Variants in SYN3 observed in about 807,000 individuals in gnomAD.
SYN3 encodes the protein synapsin-3.
SYN3 carries 35 observed loss-of-function variants against 65.8 expected under a neutral mutation model. That is an observed-to-expected ratio of 0.53 (90% confidence interval 0.41 to 0.70). The LOEUF (loss-of-function observed/expected upper bound fraction) is 0.70. SYN3 is among the 30% of genes least tolerant of loss of function. SYN3 has a pLI of 0.00. For missense variants in SYN3, 680 were observed against 749.0 expected (o/e 0.91, Z 1.08); for synonymous variants, 270 against 292.9 (o/e 0.92, Z 0.80).
At chr22:32,648,708 C>A (rs938777135) in intron 6 of SYN3, among the ~76,000 whole-genome samples, 1 of 152,230 alleles carries the variant, frequency 6.6e-6, no homozygotes, top group Non-Finnish European at 1.5e-5. Context: ...TGGGAACGTA[C>A]TACCTCTTGA....
intron 6 of SYN3, 91 bp from the exon 7 acceptor site, chr22:32,596,827 A>G: frequency 7.6e-7 from 1 of 1,311,312 alleles, no homozygotes; most frequent in Non-Finnish European, 1.1e-6. Context: ...AGATCCATTC[A>G]TTTCATATGG....
chr22:32,720,844 C>G (rs1301879922), intron 6 of SYN3, among the ~76,000 whole-genome samples: 1 of 152,182 alleles, frequency 6.6e-6, no homozygotes, highest in East Asian at 1.9e-4. Context: ...AGCTCAGAAG[C>G]CCTCTCCCAA....
At chr22:32,526,260 T>C (rs927925813) in intron 12 of SYN3, among the ~76,000 whole-genome samples, 1 of 152,200 alleles carries the variant, frequency 6.6e-6, no homozygotes, top group Non-Finnish European at 1.5e-5. Flanking sequence ...CTCTGAGGTA[T>C]GTCTGTACAC....
At chr22:32,588,807 G>A (rs1382197350) in intron 7 of SYN3, among the ~76,000 whole-genome samples, 2 of 152,072 alleles carry the variant, frequency 1.3e-5, no homozygotes, top group African/African-American at 4.8e-5. Flanking sequence ...CTAATTCTAC[G>A]ATGGAAACGC....
intron 4 of SYN3, among the ~76,000 whole-genome samples, chr22:32,882,957 A>G (rs1288420094): frequency 1.3e-5 from 2 of 151,218 alleles, no homozygotes; most frequent in Non-Finnish European, 2.9e-5. Context: ...ATTCTCCACC[A>G]GGCCCTGACT....
intron 3 of SYN3, among the ~76,000 whole-genome samples, chr22:32,976,997 G>GGT (rs1714157842): frequency 6.8e-6 from 1 of 147,708 alleles, no homozygotes; most frequent in African/African-American, 2.7e-5. Flanking sequence ...AGATTCCTGG[G>GGT]GGGGGGGTTG....
intron 6 of SYN3, among the ~76,000 whole-genome samples, chr22:32,802,299 G>A (rs2046610563): frequency 6.6e-6 from 1 of 152,090 alleles, no homozygotes; most frequent in Non-Finnish European, 1.5e-5. Context: ...AGCTGAGAGG[G>A]GAAGATGCCC....
At chr22:32,866,067 G>C (rs750141023) in intron 5 of SYN3, among the ~76,000 whole-genome samples, 4 of 152,192 alleles carry the variant, frequency 2.6e-5, no homozygotes, top group Non-Finnish European at 4.4e-5. Flanking sequence ...TTAAAGGCCT[G>C]ACCAGAAAGC....
At chr22:32,741,843 A>G (rs527489703) in intron 6 of SYN3, among the ~76,000 whole-genome samples, 3 of 152,334 alleles carry the variant, frequency 2.0e-5, no homozygotes, top group African/African-American at 7.2e-5. Flanking sequence ...TAATCAGATT[A>G]CAGTCAAATG....
At chr22:32,519,261 A>G (rs1023808574) in intron 12 of SYN3, 2 of 152,120 alleles carry the variant, frequency 1.3e-5, no homozygotes, top group African/African-American at 2.4e-5. Context: ...GTAATGAGAC[A>G]CTAAATAATC....
chr22:32,533,448 T>C (rs1158925226), intron 10 of SYN3, among the ~76,000 whole-genome samples: 3 of 152,132 alleles, frequency 2.0e-5, no homozygotes, highest in African/African-American at 7.2e-5. Flanking sequence ...AAGGTGCCCA[T>C]TTCACATGCT....
At chr22:32,995,953 T>C (rs924400341) in intron 2 of SYN3, among the ~76,000 whole-genome samples, 2 of 152,106 alleles carry the variant, frequency 1.3e-5, no homozygotes, top group South Asian at 2.1e-4. Flanking sequence ...ATCCGGCCTT[T>C]TTTTTTCCCC....
intron 6 of SYN3, among the ~76,000 whole-genome samples, chr22:32,616,137 C>T (rs73881763): frequency 5.3e-5 from 8 of 152,148 alleles, no homozygotes; most frequent in Non-Finnish European, 1.0e-4. Context: ...ACTGAGTTTC[C>T]GTGTAGAAGC....
chr22:32,926,319 A>G (rs1601709389), intron 4 of SYN3, among the ~76,000 whole-genome samples: 1 of 152,356 alleles, frequency 6.6e-6, no homozygotes, highest in East Asian at 1.9e-4. Flanking sequence ...GGGTGCTATG[A>G]AGAAGTACAT....
chr22:32,978,868 G>A (rs891018141), intron 3 of SYN3, among the ~76,000 whole-genome samples: 9 of 152,166 alleles, frequency 5.9e-5, no homozygotes, highest in Admixed American at 2.0e-4. Flanking sequence ...ATAAAAGTGT[G>A]CTACCATCAT....
At chr22:32,597,210 T>C (rs1223552049) in intron 6 of SYN3, among the ~76,000 whole-genome samples, 34 of 54,942 alleles carry the variant, frequency 6.2e-4, no homozygotes, top group African/African-American at 4.6e-3. Context: ...TTCTCTTTTT[T>C]TTTTTTTTTT....
chr22:32,889,398 C>T (rs1429680614), intron 4 of SYN3, among the ~76,000 whole-genome samples: 1 of 139,658 alleles, frequency 7.2e-6, no homozygotes, highest in African/African-American at 2.7e-5. Context: ...CTTCTCAGGG[C>T]CCAAGTTTTC....
intron 8 of SYN3, among the ~76,000 whole-genome samples, chr22:32,540,836 C>T (rs541398671): frequency 3.3e-5 from 5 of 152,282 alleles, no homozygotes; most frequent in South Asian, 2.1e-4. Context: ...ACTTTTTCCA[C>T]GGAATCACAA....
At chr22:32,994,654 TAGG>T in intron 2 of SYN3, among the ~76,000 whole-genome samples, 1 of 152,196 alleles carries the variant, frequency 6.6e-6, no homozygotes, top group African/African-American at 2.4e-5. Flanking sequence ...CAACCAACTC[TAGG>T]AGGAGGGGAC....
Sources: gnomAD v4.1 joint callset for allele counts (sites outside exome capture counted in the v4.1 genomes callset) on GRCh38, gnomAD v4.1.1 for gene constraint, MANE v1.5 for transcripts, NCBI Gene and HGNC (gene_info 2026-07-23, HGNC 2026-07-21) for gene names.